Variants in BBOF1 observed in about 807,000 individuals in gnomAD.
The protein encoded by BBOF1 is basal body-orientation factor 1.
In BBOF1, 62 loss-of-function variants were observed where a neutral mutation model predicts 68.0. That is an observed-to-expected ratio of 0.91 (90% CI 0.74 to 1.13). The LOEUF (loss-of-function observed/expected upper bound fraction) is 1.13. BBOF1 is among the 50% of genes most tolerant of loss of function. The probability of loss-of-function intolerance (pLI) is 0.00; values close to 1 mark genes in which losing one functional copy is unlikely to be tolerated. For synonymous variants in BBOF1, 208 were observed against 198.8 expected, an observed-to-expected ratio of 1.05 and a Z score of -0.39; for missense variants, 534 against 600.1, an observed-to-expected ratio of 0.89 and a Z score of 1.15.
chr14:74,038,501 T>C lies in BBOF1; in HGVS notation c.496-2064T>C, dbSNP rs749339555. 3.9e-5 allele frequency among the ~76,000 whole-genome samples: 6 copies of C among 152,274 alleles called. No individual in the cohort carries two copies. The Middle Eastern group carries it at 0.01, about 259-fold the overall frequency. On this transcript the variant is annotated intron_variant, in intron 4 of 11. Transcript: ENST00000394009. ...AGGAAGACTTAAAATTCAAAAGATA[T>C]TGGCTTATGGGAACGAATAAGGTGG...
At chr14:74,075,074 T>A in intron 9 of BBOF1, 7 of 1,540,116 alleles carry the variant, frequency 4.5e-6, no homozygotes, top group Non-Finnish European at 6.3e-6. Context: ...TATTTAAAAT[T>A]TAGCAAATAG....
chr14:74,039,112 T>C (rs2059775827), intron 4 of BBOF1, among the ~76,000 whole-genome samples: 1 of 152,196 alleles, frequency 6.6e-6, no homozygotes, highest in Non-Finnish European at 1.5e-5. Flanking sequence ...AATTACACTA[T>C]GTAACGATTG....
At chr14:74,071,137 T>G (rs886597188) in intron 9 of BBOF1, 147 of 1,506,618 alleles carry the variant, frequency 9.8e-5, no homozygotes, top group Non-Finnish European at 1.3e-4. Context: ...CAACCATCAC[T>G]CAACACCTTG....
At chr14:74,061,812 G>A (rs112803624) in intron 11 of BBOF1, among the ~76,000 whole-genome samples, 1 of 152,008 alleles carries the variant, frequency 6.6e-6, no homozygotes, top group Non-Finnish European at 1.5e-5. Context: ...ATAAGAGTAG[G>A]CTTGAGCAAA....
chr14:74,042,013 G>C (rs1406745425), intron 5 of BBOF1, among the ~76,000 whole-genome samples: 1 of 151,954 alleles, frequency 6.6e-6, no homozygotes, highest in Non-Finnish European at 1.5e-5. Flanking sequence ...CTCCATCCTG[G>C]GTGATAAAGT....
At chr14:74,024,627 G>A (rs575729011) in intron 2 of BBOF1, among the ~76,000 whole-genome samples, 171 of 152,130 alleles carry the variant, frequency 1.1e-3, no homozygotes, top group African/African-American at 4.0e-3. Context: ...TCCATGCCTG[G>A]CTAATTTTTT....
intron 11 of BBOF1, among the ~76,000 whole-genome samples, chr14:74,061,294 C>CATTT (rs201254770): frequency 1.8e-4 from 27 of 149,420 alleles, no homozygotes; most frequent in Admixed American, 7.4e-4. Flanking sequence ...TATAGTAGGC[C>CATTT]ATTTATTTAT....
chr14:74,073,781 G>C (rs199685195), intron 9 of BBOF1, among the ~76,000 whole-genome samples: 1 of 151,778 alleles, frequency 6.6e-6, no homozygotes, highest in Non-Finnish European at 1.5e-5. Flanking sequence ...AACTGGTTTT[G>C]GTGGCATGCG....
chr14:74,066,773 G>T (rs781767219), downstream of BBOF1: 1 of 1,613,552 alleles, frequency 6.2e-7, no homozygotes, highest in Admixed American at 1.7e-5. Flanking sequence ...TTAATTTTTC[G>T]TCCATCAAGA....
At chr14:74,066,927 T>C, downstream of BBOF1, 1 of 1,582,988 alleles carries the variant, frequency 6.3e-7, no homozygotes, top group Admixed American at 1.7e-5. Context: ...CTCATTAACA[T>C]AAATTATGAC....
chr14:74,067,429 C>T (rs140319465), downstream of BBOF1: 37 of 1,614,102 alleles, frequency 2.3e-5, no homozygotes, highest in African/African-American at 4.9e-4. Flanking sequence ...CTGGCAGCCA[C>T]TTCTTGGCTT....
chr14:74,028,478 ACACACAC>A (rs2140972452), intron 2 of BBOF1, among the ~76,000 whole-genome samples: 1 of 112,276 alleles, frequency 8.9e-6, no homozygotes. Flanking sequence ...ACACACACAC[ACACACAC>A]ACACACACAC....
At chr14:74,050,298 TAG>T in intron 8 of BBOF1, 103 bp downstream of exon 8, 2 of 1,333,774 alleles carry the variant, frequency 1.5e-6, no homozygotes, top group Non-Finnish European at 2.0e-6. Context: ...AAGTATTGAA[TAG>T]ATTTCTCAGT....
intron 9 of BBOF1, among the ~76,000 whole-genome samples, chr14:74,075,332 C>CT: frequency 6.6e-6 from 1 of 152,088 alleles, no homozygotes; most frequent in East Asian, 1.9e-4. Flanking sequence ...AGCATGGTAT[C>CT]TAACACAATA....
At chr14:74,059,336 T>A (rs759028675) in intron 11 of BBOF1, 1 of 456,068 alleles carries the variant, frequency 2.2e-6, no homozygotes, top group South Asian at 1.6e-5. Context: ...CTTACCCATT[T>A]TCATGGTTGG....
At chr14:74,020,727 C>T (rs1443636188) in intron 1 of BBOF1, among the ~76,000 whole-genome samples, 1 of 152,108 alleles carries the variant, frequency 6.6e-6, no homozygotes, top group Non-Finnish European at 1.5e-5. Flanking sequence ...TGGTCTCGAA[C>T]TCCTGACTTC....
chr14:74,036,973 C>CTT (rs548819182), intron 4 of BBOF1, among the ~76,000 whole-genome samples: 41 of 104,404 alleles, frequency 3.9e-4, no homozygotes, highest in South Asian at 8.7e-4. Context: ...TTTCTTTTTT[C>CTT]TTTTTTTTTT....
chr14:74,046,205 T>C (rs2059945412), intron 6 of BBOF1, 75 bp downstream of exon 6: 15 of 1,323,022 alleles, frequency 1.1e-5, no homozygotes, highest in African/African-American at 1.5e-5. Context: ...CTTCTTACTT[T>C]CTTGTCTTCC....
intron 9 of BBOF1, among the ~76,000 whole-genome samples, chr14:74,074,541 T>C (rs2060590853): frequency 1.3e-5 from 2 of 152,096 alleles, no homozygotes; most frequent in Admixed American, 6.6e-5. Context: ...TGCCTCAGCC[T>C]CCCAAAGTGC....
Sources: gnomAD v4.1 joint callset for allele counts (sites outside exome capture counted in the v4.1 genomes callset) on GRCh38, gnomAD v4.1.1 for gene constraint, MANE v1.5 for transcripts, NCBI Gene and HGNC (gene_info 2026-07-23, HGNC 2026-07-21) for gene names.